The following PCDHA1 variants were observed in gnomAD, a reference collection of about 807,000 sequenced individuals.
The protein encoded by PCDHA1 is protocadherin alpha-1.
In PCDHA1, 42 loss-of-function variants were observed where a neutral mutation model predicts 61.3. The observed-to-expected ratio is 0.69, with a 90% CI of 0.54 to 0.89. The LOEUF (loss-of-function observed/expected upper bound fraction) is 0.89, where lower values mean the gene tolerates loss of function less well. Ranked by LOEUF, PCDHA1 falls within the 40% of genes least tolerant of loss-of-function variation. The pLI, the probability that PCDHA1 is intolerant of heterozygous loss-of-function variation, is 0.00. For synonymous variants in PCDHA1, 610 were observed against 553.8 expected (o/e 1.10, Z -1.43); for missense variants, 1,256 against 1,235.3 (o/e 1.02, Z -0.25).
chr5:140,871,506 A>C (rs997428507), intron 1 of PCDHA1: 2 of 1,580,864 alleles, frequency 1.3e-6, no homozygotes, highest in Admixed American at 1.8e-5. Flanking sequence ...TGAGTTTTCT[A>C]CAGATTCCAC....
intron 1 of PCDHA1, among the ~76,000 whole-genome samples, chr5:140,910,512 G>A (rs2075055738): frequency 6.6e-6 from 1 of 152,144 alleles, no homozygotes; most frequent in Admixed American, 6.5e-5. Flanking sequence ...GCTCTTCAAG[G>A]ATGCAGGTAC....
chr5:140,848,365 A>T, intron 1 of PCDHA1: 1 of 1,070,202 alleles, frequency 9.3e-7, no homozygotes, highest in Non-Finnish European at 1.4e-6. Flanking sequence ...CATGGGAAAG[A>T]GGCTCAATTC....
intron 1 of PCDHA1, chr5:140,926,614 C>G: frequency 2.6e-6 from 1 of 377,760 alleles, no homozygotes; most frequent in Non-Finnish European, 4.6e-6. Flanking sequence ...TCTCTGCACC[C>G]CTAGGCGGCG....
At chr5:140,906,933 G>A (rs1214323970) in intron 1 of PCDHA1, among the ~76,000 whole-genome samples, 2 of 152,158 alleles carry the variant, frequency 1.3e-5, no homozygotes, top group African/African-American at 4.8e-5. Flanking sequence ...GTGTCCCGGT[G>A]TCAATCTTAA....
Position 140,968,451 on chromosome 5 carries a change from C to T in PCDHA1, c.2395-10498C>T, listed in dbSNP as rs782416830. 9 of 1,614,130 alleles carry T rather than the reference C, an allele frequency of 5.6e-6. No homozygotes were observed. The South Asian group carries it at 9.9e-5, about 18-fold the overall frequency. ...AAGGGGAGCCCACCACTGAGCAGCACTGTGACTGCCAACGTATATGTGGTG... is the reference window on the plus strand; with the variant it reads ...AAGGGGAGCCCACCACTGAGCAGCATTGTGACTGCCAACGTATATGTGGTG... On this transcript the variant is annotated intron_variant, in intron 1 of 3. Transcript: ENST00000504120.
chr5:140,946,611 AATATAT>A (rs1554217734), intron 1 of PCDHA1, among the ~76,000 whole-genome samples: 5 of 86,812 alleles, frequency 5.8e-5, no homozygotes, highest in African/African-American at 2.5e-4. Context: ...GAAAATGTGA[AATATAT>A]ATATATATAT....
chr5:140,850,624 T>C (rs2150491182), intron 1 of PCDHA1: 1 of 1,598,468 alleles, frequency 6.3e-7, no homozygotes, highest in African/African-American at 1.3e-5. Flanking sequence ...GTGTCTAGCC[T>C]GTTGGTTCTC....
chr5:140,885,011 C>T (rs545880418), intron 1 of PCDHA1, among the ~76,000 whole-genome samples: 16 of 152,240 alleles, frequency 1.1e-4, no homozygotes, highest in Admixed American at 5.9e-4. Context: ...TGAGGCTAAT[C>T]GTAATCTTAA....
At chr5:140,910,874 A>T (rs1285814930) in intron 1 of PCDHA1, among the ~76,000 whole-genome samples, 2 of 151,996 alleles carry the variant, frequency 1.3e-5, no homozygotes, top group African/African-American at 4.8e-5. Flanking sequence ...ATTATCCCAC[A>T]CCCTTAATAT....
At chr5:140,846,395 G>A (rs1168454910) in intron 1 of PCDHA1, among the ~76,000 whole-genome samples, 1 of 90,540 alleles carries the variant, frequency 1.1e-5, no homozygotes, top group Non-Finnish European at 2.1e-5. Flanking sequence ...TTTTTTTTGA[G>A]ACGGAGTCTC....
chr5:140,922,176 C>CA (rs3836750), intron 1 of PCDHA1, among the ~76,000 whole-genome samples: 11 of 150,702 alleles, frequency 7.3e-5, no homozygotes, highest in East Asian at 5.8e-4. Flanking sequence ...GTACAGCAGA[C>CA]AAAAAAAAAG....
At chr5:140,963,989 T>C (rs2095803669) in intron 1 of PCDHA1, among the ~76,000 whole-genome samples, 1 of 152,202 alleles carries the variant, frequency 6.6e-6, no homozygotes, top group Non-Finnish European at 1.5e-5. Flanking sequence ...ATATTCCTAA[T>C]TACTGTGTTC....
chr5:140,803,233 C>G (rs1554122661), intron 1 of PCDHA1: 17 of 1,613,760 alleles, frequency 1.1e-5, no homozygotes, highest in Middle Eastern at 1.6e-4. Context: ...CCCAAGGCCT[C>G]GTCCCAGGCG....
intron 1 of PCDHA1, among the ~76,000 whole-genome samples, chr5:140,951,795 C>T (rs2094636851): frequency 6.6e-6 from 1 of 152,166 alleles, no homozygotes; most frequent in African/African-American, 2.4e-5. Context: ...ACAATTATCC[C>T]TTCCCAATGG....
At chr5:140,816,115 TC>T (rs1388791863) in intron 1 of PCDHA1, 2 of 152,216 alleles carry the variant, frequency 1.3e-5, no homozygotes, top group Non-Finnish European at 2.9e-5. Context: ...TATGGCTTCT[TC>T]TTTTGAAACT....
chr5:140,842,001 A>G (rs1475257095), intron 1 of PCDHA1: 1 of 1,613,730 alleles, frequency 6.2e-7, no homozygotes, highest in African/African-American at 1.3e-5. Context: ...GGCACTGTTC[A>G]GCTGCTGGTC....
Position 141,010,190 on chromosome 5 carries a change from C to G in PCDHA1, c.*253C>G. On this transcript the variant is annotated 3_prime_UTR_variant, in exon 4 of 4. Transcript: ENST00000504120. ...GAACCTAAAAAGCAGACCCAAGTTT[C>G]CTTTCTCCTCCGCCGCAAAGGAGAG... 1 of 1,552,504 alleles carries G rather than the reference C, an allele frequency of 6.4e-7. No individual in the cohort carries two copies. Among genetic ancestry groups the G allele is most frequent in the East Asian group, 2.4e-5 (1 of 40,930 alleles).
intron 1 of PCDHA1, chr5:140,802,624 C>T (rs782202213): frequency 1.9e-6 from 3 of 1,613,950 alleles, no homozygotes; most frequent in Non-Finnish European, 2.5e-6. Flanking sequence ...CACATCTTCA[C>T]GGTGTCTGCG....
chr5:140,962,825 G>A (rs962485906), intron 1 of PCDHA1, among the ~76,000 whole-genome samples: 1 of 152,194 alleles, frequency 6.6e-6, no homozygotes, highest in Non-Finnish European at 1.5e-5. Flanking sequence ...ATGACCATTT[G>A]TCTCTTTTTT....
Sources: gnomAD v4.1 joint callset for allele counts (sites outside exome capture counted in the v4.1 genomes callset) on GRCh38, gnomAD v4.1.1 for gene constraint, MANE v1.5 for transcripts, NCBI Gene and HGNC (gene_info 2026-07-23, HGNC 2026-07-21) for gene names.